The following GABRG3 variants were observed in gnomAD, a reference collection of about 807,000 sequenced individuals.
GABRG3 encodes gamma-aminobutyric acid type A receptor subunit gamma3.
Under a neutral mutation model 48.8 loss-of-function variants are expected in GABRG3, and 25 were observed. The ratio of observed to expected loss-of-function variants is 0.51; its 90% CI spans 0.37 to 0.72. GABRG3 has a LOEUF of 0.72. GABRG3 is among the 30% of genes least tolerant of loss of function. GABRG3 has a pLI of 0.00. For synonymous variants in GABRG3, 227 were observed against 217.6 expected, an observed-to-expected ratio of 1.04 and a Z score of -0.38; for missense variants, 394 against 577.9, an observed-to-expected ratio of 0.68 and a Z score of 3.26.
chr15:27,132,101 T>C (rs1039149100), intron 3 of GABRG3, among the ~76,000 whole-genome samples: 2 of 152,150 alleles, frequency 1.3e-5, no homozygotes, highest in Non-Finnish European at 2.9e-5. Context: ...ACTCTGCTAA[T>C]TGTTTCCTTT....
chr15:27,244,260 C>T (rs1595608670), intron 3 of GABRG3, among the ~76,000 whole-genome samples: 1 of 152,098 alleles, frequency 6.6e-6, no homozygotes, highest in East Asian at 1.9e-4. Flanking sequence ...GTTAACAGGT[C>T]TATTAACCGC....
chr15:27,153,160 C>G (rs1898353314), intron 3 of GABRG3, among the ~76,000 whole-genome samples: 1 of 152,188 alleles, frequency 6.6e-6, no homozygotes, highest in African/African-American at 2.4e-5. Context: ...GGCGCCTGGC[C>G]TGAGTTAGTT....
intron 3 of GABRG3, among the ~76,000 whole-genome samples, chr15:27,305,680 T>A (rs1477198543): frequency 9.9e-6 from 1 of 101,442 alleles, no homozygotes; most frequent in Admixed American, 1.3e-4. Context: ...CCTATATGTT[T>A]ATATATAAAC....
intron 3 of GABRG3, among the ~76,000 whole-genome samples, chr15:27,043,407 T>C (rs1045416876): frequency 3.3e-5 from 5 of 152,186 alleles, no homozygotes; most frequent in African/African-American, 1.2e-4. Context: ...ATGTTCTATA[T>C]CAGCAAACTG....
chr15:27,262,426 C>G (rs1248449368), intron 3 of GABRG3, among the ~76,000 whole-genome samples: 1 of 152,196 alleles, frequency 6.6e-6, no homozygotes, highest in Non-Finnish European at 1.5e-5. Flanking sequence ...CTTTCTCCAT[C>G]TCTACTTCCC....
chr15:27,318,570 G>A (rs115715292), intron 3 of GABRG3, among the ~76,000 whole-genome samples: 370 of 152,290 alleles, frequency 2.4e-3, no homozygotes, highest in African/African-American at 8.3e-3. Context: ...CCCTAGGGCC[G>A]ATTGTGCCCA....
rs564927461 is a variant in GABRG3, at chr15:27,334,582, G to A, written c.574+5694G>A. On this transcript the variant is annotated intron_variant, in intron 5 of 9. Transcript: ENST00000615808. The stretch of plus-strand genomic sequence containing the variant: ...CACACTAATGCATGGCACTGCTGCT[G>A]TTAGCGTGTCTTGAACCTTATCTTT... Among the ~76,000 whole-genome samples the A allele has an allele frequency of 2.0e-5, 3 of 152,298 alleles. No individual in the cohort carries two copies. The South Asian group carries it at 6.2e-4, about 32-fold the overall frequency.
chr15:27,451,963 T>C (rs1889125575), intron 5 of GABRG3, among the ~76,000 whole-genome samples: 1 of 152,234 alleles, frequency 6.6e-6, no homozygotes, highest in Non-Finnish European at 1.5e-5. Flanking sequence ...TCATAATATT[T>C]GGTGATCTGC....
intron 3 of GABRG3, among the ~76,000 whole-genome samples, chr15:27,190,136 T>C (rs1207755893): frequency 6.6e-6 from 1 of 152,236 alleles, no homozygotes; most frequent in East Asian, 1.9e-4. Context: ...GCCAGTGTTT[T>C]ATTGAGGATT....
intron 3 of GABRG3, among the ~76,000 whole-genome samples, chr15:27,306,979 A>ATAAACAT (rs777908834): frequency 2.9e-5 from 2 of 68,648 alleles, no homozygotes; most frequent in Non-Finnish European, 6.2e-5. Flanking sequence ...AAACATATAT[A>ATAAACAT]ATATAAACAT....
intron 6 of GABRG3, among the ~76,000 whole-genome samples, chr15:27,507,888 C>T (rs1890799338): frequency 6.6e-6 from 1 of 152,038 alleles, no homozygotes; most frequent in South Asian, 2.1e-4. Flanking sequence ...TTAGAGAATC[C>T]ATCCTTTTAT....
intron 3 of GABRG3, among the ~76,000 whole-genome samples, chr15:27,042,946 T>C (rs1460462089): frequency 6.6e-6 from 1 of 152,252 alleles, no homozygotes; most frequent in Non-Finnish European, 1.5e-5. Context: ...GCTTGCATGT[T>C]GCACTCAGTC....
chr15:27,134,872 T>C (rs1056576834), intron 3 of GABRG3, among the ~76,000 whole-genome samples: 1 of 152,226 alleles, frequency 6.6e-6, no homozygotes, highest in African/African-American at 2.4e-5. Flanking sequence ...CTAGGGATCC[T>C]TCCTGGAGCT....
intron 3 of GABRG3, among the ~76,000 whole-genome samples, chr15:27,043,678 T>C (rs2140701925): frequency 1.3e-5 from 2 of 152,350 alleles, no homozygotes; most frequent in South Asian, 4.1e-4. Context: ...TCTAGAATTG[T>C]CCTAATTTTT....
chr15:27,170,166 A>C (rs763738807), intron 3 of GABRG3, among the ~76,000 whole-genome samples: 1 of 152,170 alleles, frequency 6.6e-6, no homozygotes, highest in Non-Finnish European at 1.5e-5. Context: ...CATGTGGGTA[A>C]ATTTTTTCCA....
chr15:27,144,397 A>G (rs757738550), intron 3 of GABRG3, among the ~76,000 whole-genome samples: 5 of 152,190 alleles, frequency 3.3e-5, no homozygotes, highest in African/African-American at 4.8e-5. Flanking sequence ...TCATTATTCA[A>G]ACTGTCTGGT....
intron 3 of GABRG3, among the ~76,000 whole-genome samples, chr15:27,108,260 T>G (rs1897485407): frequency 6.6e-6 from 1 of 152,216 alleles, no homozygotes; most frequent in South Asian, 2.1e-4. Flanking sequence ...TGTTTTTAAT[T>G]AGTTCAAATT....
chr15:27,346,859 C>A (rs1205600390), intron 5 of GABRG3, among the ~76,000 whole-genome samples: 1 of 152,146 alleles, frequency 6.6e-6, no homozygotes, highest in Non-Finnish European at 1.5e-5. Flanking sequence ...TCCATTAGAA[C>A]CCTTGACATA....
At position 27,023,530 on chromosome 15, in the gene GABRG3, C is replaced by T. The variant is rs965314455; in HGVS notation, c.203-3224C>T. On this transcript the variant is annotated intron_variant, in intron 2 of 9. Transcript: ENST00000615808. ...TTTCTGTCTCTATGAGTTTGAGTGC[C>T]GTAGAAGGCTTATATAAGTGGAATC... 5.9e-5 allele frequency among the ~76,000 whole-genome samples: 9 copies of T among 152,274 alleles called. No individual in the cohort carries two copies. The South Asian group carries it at 1.0e-3, about 18-fold the overall frequency.
Sources: allele counts gnomAD v4.1 joint callset (sites outside exome capture counted in the v4.1 genomes callset), GRCh38; gene constraint gnomAD v4.1.1; transcripts MANE v1.5; gene names NCBI Gene and HGNC (gene_info 2026-07-23, HGNC 2026-07-21).